Variants in PXK observed in about 807,000 individuals in gnomAD.
PXK encodes PX domain containing serine/threonine kinase like.
A neutral mutation model predicts 84.7 loss-of-function variants in PXK; 35 were observed. The ratio of observed to expected loss-of-function variants is 0.41; its 90% CI spans 0.32 to 0.55. The LOEUF (loss-of-function observed/expected upper bound fraction) is 0.55. Ranked by LOEUF, PXK falls within the 20% of genes least tolerant of loss-of-function variation. PXK has a pLI of 0.21. For missense variants in PXK, 634 were observed against 699.7 expected (o/e 0.91, Z 1.06); for synonymous variants, 253 against 260.8 (o/e 0.97, Z 0.29).
chr3:58,371,448 G>A (rs926135471), intron 3 of PXK, among the ~76,000 whole-genome samples: 1 of 152,218 alleles, frequency 6.6e-6, no homozygotes, highest in African/African-American at 2.4e-5. Context: ...TTAACAGTGG[G>A]CCTACTAACT....
intron 7 of PXK, among the ~76,000 whole-genome samples, chr3:58,394,257 G>C (rs62258104): frequency 0.24 from 35,915 of 152,116 alleles, 5,950 homozygotes; most frequent in East Asian, 0.8. Flanking sequence ...AGTGAACATT[G>C]TAATACCTGT....
At position 58,390,947 on chromosome 3, in the gene PXK, G is replaced by A. The variant is rs923931231; in HGVS notation, c.467-200G>A. 3.9e-5 allele frequency among the ~76,000 whole-genome samples: 6 copies of A among 152,070 alleles called. No homozygotes were observed. The highest frequency in any genetic ancestry group is 9.7e-5 in the African/African-American group (4 of 41,376). ...GAAGTGCTACTTTCCTGCCTTTTCC[G>A]TGAATAATTTCTTCATTTACTGTTT... On this transcript the variant is annotated intron_variant, in intron 5 of 17. Coordinates refer to ENST00000356151, the MANE Select transcript of PXK (RefSeq NM_017771.5). This position sits in a 1 kb window ranked among gnomAD's most constrained non-coding sequence, Gnocchi z 4.2.
At chr3:58,336,065 ATATATATTTTTTTTTTTT>A (rs1469155743) in intron 1 of PXK, among the ~76,000 whole-genome samples, 6 of 57,138 alleles carry the variant, frequency 1.1e-4, no homozygotes, top group African/African-American at 6.2e-4. Flanking sequence ...ATATATATAT[ATATATATTTTTTTTTTTT>A]TTTTTTAATA....
At position 58,397,213 on chromosome 3, in the gene PXK, A is replaced by C; in HGVS notation, c.984+13A>C. ...CAGGAAAATCAATGTAAGTTGCTAA[A>C]GTAATGAAATAGCAGGTTCATTTTT... On this transcript the variant is annotated intron_variant, in intron 10 of 17. Coordinates refer to ENST00000356151, the MANE Select transcript of PXK (RefSeq NM_017771.5). This position sits in a 1 kb window ranked among gnomAD's most constrained non-coding sequence, Gnocchi z 4.7. 3 of 1,612,892 alleles carry C rather than the reference A, an allele frequency of 1.9e-6. No individual in the cohort carries two copies. The South Asian group carries it at 3.3e-5, about 18-fold the overall frequency.
intron 3 of PXK, among the ~76,000 whole-genome samples, chr3:58,373,967 C>T (rs1377339387): frequency 6.6e-6 from 1 of 151,256 alleles, no homozygotes; most frequent in Non-Finnish European, 1.5e-5. Context: ...ATGGCGTGAA[C>T]CCAGGAGGTG....
intron 2 of PXK, among the ~76,000 whole-genome samples, chr3:58,366,737 A>T (rs547799425): frequency 6.6e-6 from 1 of 152,354 alleles, no homozygotes; most frequent in South Asian, 2.1e-4. Flanking sequence ...TCTATTGAGC[A>T]TGTATTAAGT....
intron 17 of PXK, chr3:58,423,321 A>G: frequency 6.9e-7 from 1 of 1,443,086 alleles, no homozygotes; most frequent in Non-Finnish European, 9.2e-7. Context: ...TAACAATTTC[A>G]TTCATCAGTT....
At chr3:58,418,119 CCTT>C (rs1273797836) in intron 17 of PXK, among the ~76,000 whole-genome samples, 1 of 152,136 alleles carries the variant, frequency 6.6e-6, no homozygotes, top group Non-Finnish European at 1.5e-5. Context: ...CACACCCAGC[CCTT>C]TTTTTAAAAA....
At chr3:58,368,129 G>T (rs2098304626) in intron 2 of PXK, among the ~76,000 whole-genome samples, 1 of 152,118 alleles carries the variant, frequency 6.6e-6, no homozygotes, top group African/African-American at 2.4e-5. Flanking sequence ...GAGCCATTGT[G>T]CCTGGGCCTG....
At chr3:58,376,742 C>T (rs990273297) in intron 3 of PXK, among the ~76,000 whole-genome samples, 16 of 151,984 alleles carry the variant, frequency 1.1e-4, no homozygotes, top group Admixed American at 4.6e-4. Context: ...TGGGTTCAAG[C>T]GATTCTTGTG....
rs1468000957 is a variant in PXK, at chr3:58,382,608, A to G, written c.296A>G (p.Tyr99Cys). 1 of 1,607,692 alleles carries G rather than the reference A, an allele frequency of 6.2e-7. No individual in the cohort carries two copies. Among genetic ancestry groups the G allele is most frequent in the Non-Finnish European group, 8.5e-7 (1 of 1,178,084 alleles). ...GAAAGGCAGAAAGGTCTTCAGAACT[A>G]TCTCAACGTGATCACAACAAATCAT... ...IAERQKGLQN[Y>C]LNVITTNHIL... is the part of the protein sequence containing the mutation. The change falls in exon 4 of 18, where the codon TAT becomes TGT. Residue 99 changes from tyrosine (Y) to cysteine (C), a missense_variant. Tyr to Cys is a radical substitution (Grantham distance 194, BLOSUM62 -2). Transcript: ENST00000356151.
intron 17 of PXK, among the ~76,000 whole-genome samples, chr3:58,419,896 C>G (rs184633743): frequency 1.4e-5 from 2 of 142,468 alleles, no homozygotes; most frequent in Admixed American, 7.1e-5. Flanking sequence ...CTTTTTAAAA[C>G]GGCTTTATGG....
Position 58,414,687 on chromosome 3 carries a change from T to C in PXK, c.1528+1724T>C, listed in dbSNP as rs11705721. ...AGCACAATGCCTGGCAGAGTGAGAG[T>C]GCCTGGCAGAGATGAGAGGTTCCCA... On this transcript the variant is annotated intron_variant, in intron 17 of 17. Coordinates refer to ENST00000356151, the MANE Select transcript of PXK (RefSeq NM_017771.5). This position sits in a 1 kb window ranked among gnomAD's most constrained non-coding sequence, Gnocchi z 4.5. 0.3 allele frequency among the ~76,000 whole-genome samples: 45,038 copies of C among 151,824 alleles called. 7,435 individuals carry two copies. Among genetic ancestry groups the C allele is most frequent in the Middle Eastern group, 0.39 (116 of 294 alleles).
chr3:58,422,067 C>A, intron 17 of PXK: 1 of 985,308 alleles, frequency 1.0e-6, no homozygotes, highest in East Asian at 1.1e-4. Flanking sequence ...TTCATTTGGC[C>A]CTTGTTGCCC....
chr3:58,417,852 G>GT (rs1576820450), intron 17 of PXK, among the ~76,000 whole-genome samples: 1 of 152,128 alleles, frequency 6.6e-6, no homozygotes, highest in African/African-American at 2.4e-5. Context: ...CTTGCTATCT[G>GT]TTTTTTTGAG....
At chr3:58,387,844 T>C (rs539125713) in intron 4 of PXK, among the ~76,000 whole-genome samples, 4 of 152,014 alleles carry the variant, frequency 2.6e-5, no homozygotes, top group African/African-American at 9.6e-5. Context: ...GAGCAGAACA[T>C]CTGGGCTGAG....
intron 1 of PXK, among the ~76,000 whole-genome samples, chr3:58,358,390 G>C (rs2098126354): frequency 6.6e-6 from 1 of 152,214 alleles, no homozygotes. Flanking sequence ...CAATGGGTAT[G>C]GGTGGTGCCT....
intron 1 of PXK, among the ~76,000 whole-genome samples, chr3:58,334,050 T>C (rs766198601): frequency 6.6e-6 from 1 of 152,198 alleles, no homozygotes; most frequent in African/African-American, 2.4e-5. Flanking sequence ...AGATTCAGAC[T>C]CAGAGGCTTG....
chr3:58,413,102 A>T (rs201193584), intron 17 of PXK, 139 bp downstream of exon 17: 1 of 872,652 alleles, frequency 1.1e-6, no homozygotes, highest in Non-Finnish European at 1.8e-6. Flanking sequence ...TGGGAGTGCA[A>T]ATTAGCAGTG....
Sources: allele counts gnomAD v4.1 joint callset (sites outside exome capture counted in the v4.1 genomes callset), GRCh38; gene constraint gnomAD v4.1.1; non-coding constraint Gnocchi (gnomAD v3.1); transcripts MANE v1.5; gene names NCBI Gene and HGNC (gene_info 2026-07-23, HGNC 2026-07-21).